LPAR1: variants seen among roughly 807,000 people sequenced by gnomAD.
The protein encoded by LPAR1 is lysophosphatidic acid receptor 1, also known as LPA receptor 1.
Under a neutral mutation model 23.8 loss-of-function variants are expected in LPAR1, and 5 were observed. The ratio of observed to expected loss-of-function variants is 0.21; its 90% CI spans 0.11 to 0.44. The LOEUF is 0.44. Ranked by LOEUF, LPAR1 falls within the 20% of genes least tolerant of loss-of-function variation. The probability of loss-of-function intolerance (pLI) is 0.99; values close to 1 mark genes in which losing one functional copy is unlikely to be tolerated. For missense variants in LPAR1, 311 were observed against 482.8 expected (o/e 0.64, Z 3.33); for synonymous variants, 160 against 164.7 (o/e 0.97, Z 0.22).
chr9:110,976,514 T>C (rs975440792), intron 2 of LPAR1, among the ~76,000 whole-genome samples: 2 of 151,996 alleles, frequency 1.3e-5, no homozygotes, highest in Admixed American at 6.6e-5. Flanking sequence ...TACACCCCTC[T>C]GAACTCTTCC....
At chr9:110,963,932 C>G (rs1275795577) in intron 4 of LPAR1, among the ~76,000 whole-genome samples, 1 of 152,240 alleles carries the variant, frequency 6.6e-6, no homozygotes, top group Non-Finnish European at 1.5e-5. Flanking sequence ...TACGCCCATG[C>G]ATTACCTTTT....
chr9:110,952,513 A>G (rs1306833734), intron 4 of LPAR1, among the ~76,000 whole-genome samples: 1 of 152,146 alleles, frequency 6.6e-6, no homozygotes, highest in African/African-American at 2.4e-5. Context: ...CTGAAGCTAC[A>G]CTGACACCCT....
intron 5 of LPAR1, among the ~76,000 whole-genome samples, chr9:110,917,154 A>G (rs774755051): frequency 6.9e-4 from 105 of 151,408 alleles, no homozygotes; most frequent in Non-Finnish European, 1.1e-3. Context: ...CCTGGCTAAC[A>G]AAGTGCAACC....
chr9:110,964,637 A>G (rs1323381334), intron 4 of LPAR1, among the ~76,000 whole-genome samples: 1 of 149,450 alleles, frequency 6.7e-6, no homozygotes, highest in African/African-American at 2.5e-5. Context: ...GCCATAGTAC[A>G]AAGTTCTATC....
At chr9:111,030,738 ACATT>A (rs1245338121) in intron 2 of LPAR1, among the ~76,000 whole-genome samples, 1 of 152,186 alleles carries the variant, frequency 6.6e-6, no homozygotes, top group Non-Finnish European at 1.5e-5. Flanking sequence ...CAATAGCCAG[ACATT>A]CATTATCACT....
At chr9:111,008,389 C>A (rs1001257068) in intron 2 of LPAR1, among the ~76,000 whole-genome samples, 1 of 151,994 alleles carries the variant, frequency 6.6e-6, no homozygotes, top group South Asian at 2.1e-4. Context: ...TGGCAAAAGT[C>A]ATGAATCTCC....
intron 2 of LPAR1, among the ~76,000 whole-genome samples, chr9:110,995,638 T>A (rs1564287126): frequency 6.6e-6 from 1 of 152,188 alleles, no homozygotes; most frequent in East Asian, 1.9e-4. Context: ...AGAAGTCACA[T>A]ACGTGATTTT....
intron 5 of LPAR1, among the ~76,000 whole-genome samples, chr9:110,923,306 A>C (rs1275309711): frequency 1.3e-5 from 2 of 152,200 alleles, no homozygotes; most frequent in Admixed American, 6.5e-5. Flanking sequence ...CCTGACTTAC[A>C]ATGGTTTGAT....
chr9:110,913,449 G>A (rs1269560716), intron 5 of LPAR1, among the ~76,000 whole-genome samples: 1 of 151,986 alleles, frequency 6.6e-6, no homozygotes, highest in Non-Finnish European at 1.5e-5. Flanking sequence ...CACACAATTT[G>A]TTTCTAAAAG....
chr9:111,022,972 G>A (rs1277558680), intron 2 of LPAR1, among the ~76,000 whole-genome samples: 2 of 146,358 alleles, frequency 1.4e-5, no homozygotes, highest in African/African-American at 5.2e-5. Flanking sequence ...AGAATGGCGT[G>A]CCCGGCAAGC....
In LPAR1 at chr9:110,874,262, T is replaced by C. The variant is rs2078656659; in HGVS notation, c.*1159A>G. On this transcript the variant is annotated 3_prime_UTR_variant, in exon 6 of 6. Coordinates refer to ENST00000683809, the MANE Select transcript of LPAR1 (RefSeq NM_001351411.2). ...CATGGGAATGGTTAAATAAACTGAG[T>C]TGCATCCATTAAATGGAATATAATA... is the stretch of plus-strand genomic sequence containing the variant. 1 of 152,482 alleles carries C rather than the reference T, an allele frequency of 6.6e-6. No individual in the cohort carries two copies. The highest frequency in any genetic ancestry group is 1.5e-5 in the Non-Finnish European group (1 of 68,002). 9.4% of individuals were successfully genotyped at this position (152,482 alleles called of 1,614,324 possible). A position where few individuals can be genotyped will look rare whatever the true frequency, so the allele number is the denominator to read the frequency against.
At chr9:110,898,392 A>G (rs1454413072) in intron 5 of LPAR1, among the ~76,000 whole-genome samples, 1 of 152,250 alleles carries the variant, frequency 6.6e-6, no homozygotes, top group Non-Finnish European at 1.5e-5. Context: ...GTGTGCAAAG[A>G]AACATGAATT....
At chr9:110,901,161 A>G (rs1294573352) in intron 5 of LPAR1, among the ~76,000 whole-genome samples, 3 of 152,184 alleles carry the variant, frequency 2.0e-5, no homozygotes, top group Non-Finnish European at 4.4e-5. Flanking sequence ...TGTCTTTAAA[A>G]GCTCATTTTT....
intron 4 of LPAR1, among the ~76,000 whole-genome samples, chr9:110,959,495 G>T (rs971032990): frequency 6.6e-6 from 1 of 152,102 alleles, no homozygotes; most frequent in Non-Finnish European, 1.5e-5. Flanking sequence ...GTACACACCT[G>T]TGGTCCTAGC....
chr9:110,892,776 GGAA>G (rs1426313091), intron 5 of LPAR1, among the ~76,000 whole-genome samples: 4 of 40,812 alleles, frequency 9.8e-5, no homozygotes, highest in Admixed American at 7.7e-4. Flanking sequence ...AGGGAAGGAA[GGAA>G]GGAAGGAAGG....
At position 110,942,023 on chromosome 9, in the gene LPAR1, A is replaced by G; in HGVS notation, c.191T>C (p.Met64Thr). The change falls in exon 5 of 6, where the codon ATG (methionine) becomes ACG (threonine). Residue 64 changes from methionine (M) to threonine (T), a missense_variant. Met to Thr is a moderately conservative substitution (Grantham distance 81). Coordinates refer to ENST00000683809, the MANE Select transcript of LPAR1 (RefSeq NM_001351411.2). The stretch of plus-strand genomic sequence containing the variant: ...CACCATGACCAATAGGTTGGCCAAC[A>G]TGATGAAGATACAAACAGTGATTCC... ...GLGITVCIFI[M>T]LANLLVMVAI... 1.2e-6 allele frequency: 2 copies of G among 1,614,228 alleles called. No individual in the cohort carries two copies. The highest frequency in any genetic ancestry group is 2.2e-5 in the South Asian group (2 of 91,086).
chr9:110,981,302 G>A (rs75410377), intron 2 of LPAR1, among the ~76,000 whole-genome samples: 1,928 of 152,144 alleles, frequency 0.013, 48 homozygotes, highest in African/African-American at 0.042. Flanking sequence ...CAACTGCCTA[G>A]GTTCAAATCC....
chr9:110,875,393 C>A lies in LPAR1; in HGVS notation c.*28G>T. 1 of 1,580,334 alleles carries A rather than the reference C, an allele frequency of 6.3e-7. No homozygotes were observed. Among genetic ancestry groups the A allele is most frequent in the South Asian group, 1.1e-5 (1 of 87,090 alleles). ...AGGCTGTTTATCCTCCAAGAGAGGA[C>A]GGCTGGTTCCTCATCTCAGTTTCCG... On this transcript the variant is annotated 3_prime_UTR_variant, in exon 6 of 6. Coordinates refer to ENST00000683809, the MANE Select transcript of LPAR1 (RefSeq NM_001351411.2).
intron 5 of LPAR1, among the ~76,000 whole-genome samples, chr9:110,876,988 G>A (rs2079273010): frequency 6.6e-6 from 1 of 152,166 alleles, no homozygotes; most frequent in Non-Finnish European, 1.5e-5. Flanking sequence ...CTCACCTAAT[G>A]GGCCCCATAT....
Sources: gnomAD v4.1 joint callset for allele counts (sites outside exome capture counted in the v4.1 genomes callset) on GRCh38, gnomAD v4.1.1 for gene constraint, MANE v1.5 for transcripts, NCBI Gene and HGNC (gene_info 2026-07-23, HGNC 2026-07-21) for gene names.